LIMK2: variants seen among roughly 807,000 people sequenced by gnomAD.
LIMK2 encodes LIM domain kinase 2.
In LIMK2, 35 loss-of-function variants were observed where a neutral mutation model predicts 75.7. That is an observed-to-expected ratio of 0.46 (90% CI 0.35 to 0.61). The LOEUF is 0.61. Ranked by LOEUF, LIMK2 falls within the 20% of genes least tolerant of loss-of-function variation. The pLI is 0.00. For synonymous variants in LIMK2, 301 were observed against 319.2 expected (o/e 0.94, Z 0.61); for missense variants, 623 against 831.0 (o/e 0.75, Z 3.08).
At chr22:31,216,819 G>A (rs1601394552) in intron 1 of LIMK2, among the ~76,000 whole-genome samples, 1 of 152,154 alleles carries the variant, frequency 6.6e-6, no homozygotes, top group East Asian at 1.9e-4. Context: ...AACCTTGAGC[G>A]GGTCTGATAG....
intron 2 of LIMK2, among the ~76,000 whole-genome samples, chr22:31,251,247 A>G (rs1202230354): frequency 6.6e-6 from 1 of 152,224 alleles, no homozygotes; most frequent in Non-Finnish European, 1.5e-5. Context: ...CTTAATGTCC[A>G]ATACTGATTT....
At chr22:31,251,015 AG>A (rs1481047534) in intron 2 of LIMK2, among the ~76,000 whole-genome samples, 2 of 152,194 alleles carry the variant, frequency 1.3e-5, no homozygotes, top group Non-Finnish European at 2.9e-5. Context: ...AAGGGAATGA[AG>A]AATACAACTT....
chr22:31,238,038 C>T lies in LIMK2; in HGVS notation c.116+12219C>T, dbSNP rs1467166469. Among the ~76,000 whole-genome samples, 6 of 150,842 alleles carry T rather than the reference C, an allele frequency of 4.0e-5. No individual in the cohort carries two copies. In the East Asian group the frequency reaches 9.7e-4, roughly 24 times the overall value. On this transcript the variant is annotated intron_variant, in intron 2 of 15. Coordinates refer to ENST00000331728, the MANE Select transcript of LIMK2 (RefSeq NM_005569.4). ...GCCGAGGCAGGAGAATTGCTTGAAC[C>T]CAGGAGGTGGAGGTTGTAGTGAGCC...
At chr22:31,231,471 C>T (rs941101002) in intron 2 of LIMK2, among the ~76,000 whole-genome samples, 2 of 152,160 alleles carry the variant, frequency 1.3e-5, no homozygotes, top group East Asian at 1.9e-4. Context: ...ACAGCCAGCC[C>T]GTAGATCATT....
intron 5 of LIMK2, 142 bp from the exon 6 acceptor site, chr22:31,261,992 T>C: frequency 3.0e-6 from 2 of 674,578 alleles, no homozygotes; most frequent in East Asian, 5.1e-5. Context: ...CTGGAAAAGG[T>C]GTTGCCTTTC....
chr22:31,248,386 T>C (rs902311248), intron 2 of LIMK2: 6 of 1,337,676 alleles, frequency 4.5e-6, no homozygotes, highest in Non-Finnish European at 5.9e-6. Flanking sequence ...CTTTCTTAGC[T>C]AGTCACCGGC....
chr22:31,236,424 C>G (rs2048575251), intron 2 of LIMK2, among the ~76,000 whole-genome samples: 1 of 148,502 alleles, frequency 6.7e-6, no homozygotes, highest in Non-Finnish European at 1.5e-5. Context: ...GTCTGGGTAA[C>G]AGAGCAAGAC....
chr22:31,246,175 G>GCACACACACACA (rs1300039438), intron 2 of LIMK2, among the ~76,000 whole-genome samples: 14 of 78,054 alleles, frequency 1.8e-4, no homozygotes, highest in Non-Finnish European at 3.1e-4. Flanking sequence ...TCCGACACAC[G>GCACACACACACA]CACGCACGCA....
At chr22:31,260,163 T>C in intron 5 of LIMK2, 86 bp downstream of exon 5, 1 of 1,109,456 alleles carries the variant, frequency 9.0e-7, no homozygotes, top group Non-Finnish European at 1.3e-6. Context: ...CAAAGTCTCA[T>C]GCAGAACTCC....
intron 5 of LIMK2, among the ~76,000 whole-genome samples, chr22:31,261,472 G>A (rs973204741): frequency 3.3e-5 from 5 of 151,712 alleles, no homozygotes; most frequent in Non-Finnish European, 7.4e-5. Context: ...CATGAACCTA[G>A]GAGGCGGAGC....
chr22:31,223,590 A>G (rs1310222144), intron 1 of LIMK2, among the ~76,000 whole-genome samples: 1 of 152,168 alleles, frequency 6.6e-6, no homozygotes, highest in African/African-American at 2.4e-5. Flanking sequence ...AACTTGGAAG[A>G]TTCATTTGGA....
intron 2 of LIMK2, among the ~76,000 whole-genome samples, chr22:31,231,161 TCA>T: frequency 6.6e-6 from 1 of 152,344 alleles, no homozygotes; most frequent in East Asian, 1.9e-4. Flanking sequence ...TCACTGAGGC[TCA>T]GTTTCCTCTT....
chr22:31,276,226 ACT>A (rs1466036613), intron 15 of LIMK2, among the ~76,000 whole-genome samples: 2 of 151,952 alleles, frequency 1.3e-5, no homozygotes, highest in South Asian at 4.2e-4. Flanking sequence ...CAAGAGTGAA[ACT>A]CTGTCTCAAA....
Position 31,278,578 on chromosome 22 carries a change from T to G in LIMK2, c.*137T>G. The G allele has an allele frequency of 1.1e-6, 1 of 905,954 alleles. No homozygotes were observed. The highest frequency in any genetic ancestry group is 1.7e-5 in the African/African-American group (1 of 59,394). The allele number at this position is 905,954 out of a possible 1,614,324, so 56.1% of individuals were successfully genotyped here. On this transcript the variant is annotated 3_prime_UTR_variant, in exon 16 of 16. Coordinates refer to ENST00000331728, the MANE Select transcript of LIMK2 (RefSeq NM_005569.4). ...TAGAAGCAGAACAAGCCATTCCTAT[T>G]ACCTCCCCAGGAGGCAAGTGGGCGC... is the stretch of plus-strand genomic sequence containing the variant.
At position 31,258,289 on chromosome 22, in the gene LIMK2, A is replaced by C; in HGVS notation, c.117-2A>C. On this transcript the variant is annotated splice_acceptor_variant, in intron 2 of 15. Transcript: ENST00000331728. LOFTEE classifies it high-confidence loss of function. Reference sequence around the variant, plus strand: ...AATTTCAGTTCTTGTCTTGCCTTTCAGGTGTTCAGAATGCCAGGATTCCCT... The same window carrying C: ...AATTTCAGTTCTTGTCTTGCCTTTCCGGTGTTCAGAATGCCAGGATTCCCT... 1 of 1,599,312 alleles carries C rather than the reference A, an allele frequency of 6.3e-7. No individual in the cohort carries two copies. The highest frequency in any genetic ancestry group is 8.5e-7 in the Non-Finnish European group (1 of 1,170,220).
rs574066260 is a variant in LIMK2 at position 31,257,076 on chromosome 22, G to T, written c.117-1215G>T. Among the ~76,000 whole-genome samples, 294 of 83,992 alleles carry T rather than the reference G, an allele frequency of 3.5e-3. 3 individuals carry two copies. Among genetic ancestry groups the T allele is most frequent in the Non-Finnish European group, 6.5e-3 (242 of 37,022 alleles). The allele number at this position is 83,992 out of a possible 152,430, so 55.1% of individuals were successfully genotyped here. On this transcript the variant is annotated intron_variant, in intron 2 of 15. Transcript: ENST00000331728. ...TTTTTTTTTTTTTTTTTTTTTTTTA[G>T]AGACGGGGTCTTACTATGTTGCCCA...
chr22:31,227,927 G>T (rs995478825), intron 2 of LIMK2, among the ~76,000 whole-genome samples: 8 of 152,146 alleles, frequency 5.3e-5, no homozygotes, highest in African/African-American at 1.7e-4. Context: ...AAAAAGACTT[G>T]CTCAGGCCAT....
chr22:31,272,599 A>G lies in LIMK2; in HGVS notation c.1453A>G (p.Met485Val), dbSNP rs758927568. ...LIVEERKRAPMEKATTKKRTL... is the reference protein window; with the variant it reads ...LIVEERKRAPVEKATTKKRTL... ...AGTGGAAGAGAGGAAAAGGGCCCCC[A>G]TGGAGAAGGCCACCACCAAGAAACG... The change falls in exon 13 of 16, where the codon ATG becomes GTG. Residue 485 changes from methionine (M) to valine (V), a missense_variant. By Grantham distance (21) the Met-to-Val change is conservative. This residue lies in a region of LIMK2 where 514 missense variants were observed against 661.3 expected (regional missense o/e 0.78). Coordinates refer to ENST00000331728, the MANE Select transcript of LIMK2 (RefSeq NM_005569.4). 1.9e-6 allele frequency: 3 copies of G among 1,613,968 alleles called. No individual in the cohort carries two copies. Among genetic ancestry groups the G allele is most frequent in the Non-Finnish European group, 2.5e-6 (3 of 1,179,952 alleles).
At chr22:31,229,549 C>T (rs1159455024) in intron 2 of LIMK2, among the ~76,000 whole-genome samples, 1 of 152,162 alleles carries the variant, frequency 6.6e-6, no homozygotes. Context: ...AGGACTCTCC[C>T]TCTGTGCTAC....
Sources: allele counts gnomAD v4.1 joint callset (sites outside exome capture counted in the v4.1 genomes callset), GRCh38; gene constraint gnomAD v4.1.1; regional missense constraint gnomAD v4.1.1; transcripts MANE v1.5; gene names NCBI Gene and HGNC (gene_info 2026-07-23, HGNC 2026-07-21).